WFDC10B: variants seen among roughly 807,000 people sequenced by gnomAD.
WFDC10B encodes WAP four-disulfide core domain 10B.
Under a neutral mutation model 2.7 loss-of-function variants are expected in WFDC10B, and 1 was observed. The ratio of observed to expected loss-of-function variants is 0.38; its 90% CI spans 0.13 to 1.79. The LOEUF is 1.79. Among genes scored for constraint, WFDC10B ranks in the 40% most tolerant of loss-of-function variants. The probability of loss-of-function intolerance (pLI) is 0.33; values close to 1 mark genes in which losing one functional copy is unlikely to be tolerated. For missense variants in WFDC10B, 71 were observed against 87.8 expected (o/e 0.81, Z 0.76); for synonymous variants, 26 against 32.2 (o/e 0.81, Z 0.65).
intron 2 of WFDC10B, among the ~76,000 whole-genome samples, chr20:45,695,575 C>T (rs948405648): frequency 3.9e-5 from 6 of 152,032 alleles, no homozygotes; most frequent in African/African-American, 4.8e-5. Flanking sequence ...TCTCCAGCCA[C>T]AATGGAACAA....
chr20:45,702,164 G>A, intron 2 of WFDC10B: 1 of 1,613,442 alleles, frequency 6.2e-7, no homozygotes, highest in Non-Finnish European at 8.5e-7. Context: ...GTGGTGTTCT[G>A]CCTAGCACTG....
At chr20:45,697,919 T>C (rs1021281448) in intron 2 of WFDC10B, among the ~76,000 whole-genome samples, 2 of 151,696 alleles carry the variant, frequency 1.3e-5, no homozygotes, top group Non-Finnish European at 2.9e-5. Flanking sequence ...AATTTTTATA[T>C]TTTTAGTAGA....
intron 2 of WFDC10B, among the ~76,000 whole-genome samples, chr20:45,692,232 T>A (rs1568671430): frequency 6.6e-6 from 1 of 152,146 alleles, no homozygotes; most frequent in Non-Finnish European, 1.5e-5. Flanking sequence ...CTTCCCTTTG[T>A]GGGTAACCCG....
intron 2 of WFDC10B, among the ~76,000 whole-genome samples, chr20:45,690,925 G>A (rs1043612461): frequency 1.3e-5 from 2 of 152,188 alleles, no homozygotes; most frequent in African/African-American, 4.8e-5. Context: ...TAATTGTGAT[G>A]TTAGGGTGTC....
chr20:45,684,699 C>T lies in WFDC10B; in HGVS notation c.*131G>A. 1 of 1,270,858 alleles carries T rather than the reference C, an allele frequency of 7.9e-7. No homozygotes were observed. The highest frequency in any genetic ancestry group is 1.4e-5 in the South Asian group (1 of 71,276). The allele number at this position is 1,270,858 out of a possible 1,614,324, so 78.7% of individuals were successfully genotyped here. A position where few individuals can be genotyped will look rare whatever the true frequency, so the allele number is the denominator to read the frequency against. On this transcript the variant is annotated 3_prime_UTR_variant, in exon 4 of 4. Coordinates refer to ENST00000330523, the MANE Select transcript of WFDC10B (RefSeq NM_172006.2). Reference sequence around the variant, plus strand: ...ATTTGACAGGGACAGGGAGTTCAGACACTGGGGAGGGTGGCATTCCTGTTG... The same window carrying T: ...ATTTGACAGGGACAGGGAGTTCAGATACTGGGGAGGGTGGCATTCCTGTTG...
chr20:45,697,140 A>C (rs1307427824), intron 2 of WFDC10B, among the ~76,000 whole-genome samples: 2 of 152,228 alleles, frequency 1.3e-5, no homozygotes, highest in Non-Finnish European at 2.9e-5. Context: ...AATAAAAAGA[A>C]ATAAAAGTCA....
chr20:45,685,277 C>A (rs567413984), intron 3 of WFDC10B, among the ~76,000 whole-genome samples: 17 of 152,256 alleles, frequency 1.1e-4, no homozygotes, highest in Non-Finnish European at 2.2e-4. Flanking sequence ...TATGGTCTGA[C>A]CCTGAGAGCT....
intron 2 of WFDC10B, among the ~76,000 whole-genome samples, chr20:45,700,908 CAAAG>C (rs1363938586): frequency 6.6e-6 from 1 of 151,974 alleles, no homozygotes; most frequent in Non-Finnish European, 1.5e-5. Flanking sequence ...AGAGAACACA[CAAAG>C]AAACCATAAT....
At chr20:45,691,559 T>G (rs1983813129) in intron 2 of WFDC10B, among the ~76,000 whole-genome samples, 1 of 151,488 alleles carries the variant, frequency 6.6e-6, no homozygotes, top group African/African-American at 2.4e-5. Context: ...AGTTAGCTCT[T>G]CTTGTTGAAT....
intron 3 of WFDC10B, 80 bp downstream of exon 3, chr20:45,685,822 A>AG (rs1983593290): frequency 1.3e-6 from 2 of 1,568,792 alleles, no homozygotes; most frequent in East Asian, 4.6e-5. Flanking sequence ...TGCAAGTCCT[A>AG]GGTCCTACTC....
At chr20:45,691,103 C>T (rs1600956235) in intron 2 of WFDC10B, among the ~76,000 whole-genome samples, 2 of 152,256 alleles carry the variant, frequency 1.3e-5, no homozygotes, top group African/African-American at 4.8e-5. Context: ...ACCCAGTAGT[C>T]ATTCAGGAGC....
chr20:45,704,689 T>A (rs77046815), intron 1 of WFDC10B, 128 bp from the exon 2 acceptor site: 1 of 636,370 alleles, frequency 1.6e-6, no homozygotes, highest in Non-Finnish European at 1.9e-6. Context: ...GATCTCTCCT[T>A]TTTTTTTTTT....
In WFDC10B at chr20:45,685,890, C is replaced by G. The variant is rs775458732; in HGVS notation, c.91+12G>C. 8 of 1,613,468 alleles carry G rather than the reference C, an allele frequency of 5.0e-6. No individual in the cohort carries two copies. In the Admixed American group the frequency reaches 1.3e-4, roughly 27 times the overall value. ...CAACTCTCCATCACCCATCCAGCAG[C>G]CCATCACCTACTCTGCATCCTCATC... On this transcript the variant is annotated intron_variant, in intron 3 of 3. Coordinates refer to ENST00000330523, the MANE Select transcript of WFDC10B (RefSeq NM_172006.2).
At chr20:45,691,324 G>T (rs1983805177) in intron 2 of WFDC10B, among the ~76,000 whole-genome samples, 1 of 151,946 alleles carries the variant, frequency 6.6e-6, no homozygotes, top group Non-Finnish European at 1.5e-5. Context: ...TTGATTTGGG[G>T]TGGAGAGTTC....
chr20:45,699,185 A>C (rs1252358418), intron 2 of WFDC10B, among the ~76,000 whole-genome samples: 1 of 152,230 alleles, frequency 6.6e-6, no homozygotes, highest in Non-Finnish European at 1.5e-5. Flanking sequence ...TAGAAGTATT[A>C]AATTGTTCAG....
At chr20:45,694,478 G>C (rs1983921988) in intron 2 of WFDC10B, among the ~76,000 whole-genome samples, 5 of 152,064 alleles carry the variant, frequency 3.3e-5, no homozygotes, top group Admixed American at 2.0e-4. Context: ...TCATCAAAAA[G>C]ATATAAAAAT....
In WFDC10B at chr20:45,684,878, C is replaced by T; in HGVS notation, c.174G>A (p.Lys58=). The T allele has an allele frequency of 6.2e-7, 1 of 1,614,034 alleles. No individual in the cohort carries two copies. Among genetic ancestry groups the T allele is most frequent in the Non-Finnish European group, 8.5e-7 (1 of 1,179,952 alleles). ...CSYFQKCETN[K]ICCSAFCGNI... ...TCCCACAGAAGGCTGAACAGCATAT[C>T]TTATTTGTTTCACACTTTTGGAAAT... Residue 58 remains lysine (K), a synonymous_variant, in exon 4 of 4, where the codon AAG becomes AAA. Transcript: ENST00000330523.
chr20:45,692,680 A>G (rs1165276784), intron 2 of WFDC10B, among the ~76,000 whole-genome samples: 1 of 152,180 alleles, frequency 6.6e-6, no homozygotes, highest in African/African-American at 2.4e-5. Context: ...TTTCAGCTCC[A>G]TCAGCTCCTT....
At chr20:45,695,747 A>G (rs1983956648) in intron 2 of WFDC10B, among the ~76,000 whole-genome samples, 1 of 152,174 alleles carries the variant, frequency 6.6e-6, no homozygotes, top group Admixed American at 6.5e-5. Flanking sequence ...GCACTTTGGG[A>G]GGCTGAGGTG....
Sources: allele counts gnomAD v4.1 joint callset (sites outside exome capture counted in the v4.1 genomes callset), GRCh38; gene constraint gnomAD v4.1.1; transcripts MANE v1.5; gene names NCBI Gene and HGNC (gene_info 2026-07-23, HGNC 2026-07-21).